Variants in ATG16L2 observed in about 807,000 individuals in gnomAD.
The protein encoded by ATG16L2 is autophagy related 16 like 2.
ATG16L2 carries 77 observed loss-of-function variants against 84.7 expected under a neutral mutation model. The ratio of observed to expected loss-of-function variants is 0.91; its 90% CI spans 0.76 to 1.10. The LOEUF (loss-of-function observed/expected upper bound fraction) is 1.10, where lower values mean the gene tolerates loss of function less well. ATG16L2 is among the 50% of genes least tolerant of loss of function. The pLI is 0.00. For missense variants in ATG16L2, 782 were observed against 817.6 expected (o/e 0.96, Z 0.53); for synonymous variants, 361 against 342.8 (o/e 1.05, Z -0.59).
intron 5 of ATG16L2, chr11:72,836,792 A>G (rs1860741652): frequency 1.3e-5 from 2 of 152,590 alleles, no homozygotes; most frequent in African/African-American, 4.8e-5. Context: ...AATAAATACA[A>G]ACTTTTTACA....
rs1325399456 is a variant in ATG16L2, at chr11:72,822,956, C to T, written c.819C>T (p.Pro273=). ...AAGCTTGTGAGAAGTGGAAGAGGCC[C>T]TTCAGGTGAGGACCCAGGTGACAGT... is the stretch of plus-strand genomic sequence containing the variant. ...EKEACEKWKR[P]FRSASATSLT... The change falls in exon 7 of 18, where the codon CCC becomes CCT. Residue 273 remains proline, a synonymous_variant. Coordinates refer to ENST00000321297, the MANE Select transcript of ATG16L2 (RefSeq NM_033388.2). This position sits in a 1 kb window ranked among gnomAD's most constrained non-coding sequence, Gnocchi z 4.2. The T allele has an allele frequency of 1.9e-6, 3 of 1,563,296 alleles. No homozygotes were observed. The highest frequency in any genetic ancestry group is 2.6e-6 in the Non-Finnish European group (3 of 1,152,840).
intron 3 of ATG16L2, 103 bp downstream of exon 3, chr11:72,817,958 C>A: frequency 1.9e-6 from 2 of 1,076,384 alleles, no homozygotes; most frequent in Non-Finnish European, 2.7e-6. Flanking sequence ...AAGCCCAGTG[C>A]TGCAAGCATT....
At chr11:72,814,704 G>A in intron 1 of ATG16L2, 141 bp downstream of exon 1, 1 of 578,418 alleles carries the variant, frequency 1.7e-6, no homozygotes, top group Non-Finnish European at 2.7e-6. Context: ...CGCCCATCCC[G>A]ACTGCCAGGA....
intron 13 of ATG16L2, 84 bp from the exon 14 acceptor site, chr11:72,827,104 G>A (rs753425031): frequency 4.7e-5 from 52 of 1,116,506 alleles, no homozygotes; most frequent in Non-Finnish European, 6.5e-5. Flanking sequence ...ACTGGGTTCT[G>A]GGCCTCAGCT....
chr11:72,816,655 G>A (rs748752549), intron 1 of ATG16L2, 73 bp from the exon 2 acceptor site: 15 of 1,260,164 alleles, frequency 1.2e-5, no homozygotes, highest in Middle Eastern at 1.9e-4. Context: ...CCTTTTAGCC[G>A]GAGATAAATT....
At chr11:72,817,512 C>A (rs1448781698) in intron 2 of ATG16L2, among the ~76,000 whole-genome samples, 1 of 152,238 alleles carries the variant, frequency 6.6e-6, no homozygotes, top group African/African-American at 2.4e-5. Flanking sequence ...AGCCACCACG[C>A]CTGACTGGGA....
Position 72,814,581 on chromosome 11 carries a change from C to T in ATG16L2, c.118+18C>T, listed in dbSNP as rs756217715. ...GCCGGCCTGTGAGTGCGCCCCGGTG[C>T]TGAGAGGATGGCGGCTGAGGGGACG... On this transcript the variant is annotated intron_variant, in intron 1 of 17. Coordinates refer to ENST00000321297, the MANE Select transcript of ATG16L2 (RefSeq NM_033388.2). 225 of 1,547,288 alleles carry T rather than the reference C, an allele frequency of 1.5e-4. No homozygotes were observed. Among genetic ancestry groups the T allele is most frequent in the Non-Finnish European group, 1.9e-4 (220 of 1,140,436 alleles).
Position 72,821,342 on chromosome 11 carries a change from G to A in ATG16L2, c.319-326G>A, listed in dbSNP as rs1859980216. 8.7e-6 allele frequency: 10 copies of A among 1,149,274 alleles called. No individual in the cohort carries two copies. In the South Asian group the frequency reaches 2.3e-4, roughly 26 times the overall value. 71.2% of individuals were successfully genotyped at this position (1,149,274 alleles called of 1,614,324 possible). On this transcript the variant is annotated intron_variant, in intron 3 of 17. Transcript: ENST00000321297. ...CTCGCAGTGGTTATGCATGGTGCTG[G>A]GAGCGGAGCGCTGGCTTCCCACTCT... is the stretch of plus-strand genomic sequence containing the variant.
downstream of ATG16L2, among the ~76,000 whole-genome samples, chr11:72,831,756 C>G (rs1860612402): frequency 6.6e-6 from 1 of 152,162 alleles, no homozygotes; most frequent in South Asian, 2.1e-4. Context: ...AGGCCCTGCC[C>G]TGCACCCTTT....
At position 72,822,266 on chromosome 11, in the gene ATG16L2, G is replaced by C; in HGVS notation, c.615G>C (p.Glu205Asp). ...AGCGCAAGGCGCGCGCCGCGGCCGA[G>C]CGCAACCTGCGCAACGAGCGCCGGG... The part of the protein sequence containing the change: ...LVQRKARAAA[E>D]RNLRNERRER... Residue 205 changes from glutamate to aspartate, a missense_variant, in exon 5 of 18, where the codon GAG becomes GAC. Coordinates refer to ENST00000321297, the MANE Select transcript of ATG16L2 (RefSeq NM_033388.2). The surrounding 1 kb of genome is among the most constrained non-coding windows in gnomAD (Gnocchi z 4.2). 3.3e-6 allele frequency: 5 copies of C among 1,504,828 alleles called. No homozygotes were observed. The highest frequency in any genetic ancestry group is 3.5e-6 in the Non-Finnish European group (4 of 1,136,774). 93.2% of individuals were successfully genotyped at this position (1,504,828 alleles called of 1,614,324 possible).
intron 10 of ATG16L2, among the ~76,000 whole-genome samples, chr11:72,825,898 T>C (rs1860318621): frequency 6.6e-6 from 1 of 152,110 alleles, no homozygotes; most frequent in Admixed American, 6.5e-5. Flanking sequence ...GCTGGCCTGA[T>C]CCTGGCTTGC....
chr11:72,824,039 T>C (rs776653026), intron 7 of ATG16L2, 21 bp from the exon 8 acceptor site: 1 of 1,614,000 alleles, frequency 6.2e-7, no homozygotes, highest in East Asian at 2.2e-5. Flanking sequence ...CCTTAGCATA[T>C]CTCTCTTGGT....
In ATG16L2 at chr11:72,841,084, C is replaced by T. The variant is rs1040771840; in HGVS notation, c.*22-1533C>T. 15 of 718,792 alleles carry T rather than the reference C, an allele frequency of 2.1e-5. No homozygotes were observed. In the African/African-American group the frequency reaches 2.4e-4, roughly 12 times the overall value. 44.5% of individuals were successfully genotyped at this position (718,792 alleles called of 1,614,324 possible). ...TTGGGATACTGAGGCGGGAGGATTA[C>T]TTGAGGCCAGAAGTTCAAGGCTGCA... On this transcript the variant is annotated intron_variant, in intron 5 of 5. Coordinates refer to the ATG16L2 transcript ENST00000534905.
chr11:72,814,487 G>C lies in ATG16L2; in HGVS notation c.42G>C (p.Trp14Cys). Residue 14 changes from tryptophan (W) to cysteine (C), a missense_variant, in exon 1 of 18, where the codon TGG (tryptophan) becomes TGC (cysteine). Coordinates refer to ENST00000321297, the MANE Select transcript of ATG16L2 (RefSeq NM_033388.2). The stretch of plus-strand genomic sequence containing the variant: ...TCCCCGGTGCCCCCGCAGCGCGCTG[G>C]AAACGCCACATCGTGCGGCAGCTGC... ...PGVPGAPAAR[W>C]KRHIVRQLRL... 1 of 1,534,462 alleles carries C rather than the reference G, an allele frequency of 6.5e-7. No individual in the cohort carries two copies. The highest frequency in any genetic ancestry group is 1.2e-5 in the South Asian group (1 of 82,760).
chr11:72,841,340 C>CAAAAAAAAAAAA, intron 5 of ATG16L2: 10 of 371,390 alleles, frequency 2.7e-5, no homozygotes, highest in East Asian at 9.5e-5. Context: ...ACTCTGTCTC[C>CAAAAAAAAAAAA]AAAAAAAAAA....
At chr11:72,831,437 G>A (rs1484611201), downstream of ATG16L2, among the ~76,000 whole-genome samples, 1 of 152,230 alleles carries the variant, frequency 6.6e-6, no homozygotes, top group African/African-American at 2.4e-5. Flanking sequence ...CCCAGGAGGA[G>A]GAGGTTGCAG....
At position 72,828,480 on chromosome 11, in the gene ATG16L2, C is replaced by T. The variant is rs770072481; in HGVS notation, c.1594C>T (p.Arg532Cys). 16 of 1,614,080 alleles carry T rather than the reference C, an allele frequency of 9.9e-6. No individual in the cohort carries two copies. The highest frequency in any genetic ancestry group is 1.4e-5 in the Non-Finnish European group (16 of 1,180,056). Residue 532 changes from arginine to cysteine, a missense_variant, in exon 15 of 18, where the codon CGT becomes TGT. Physicochemically the swap from Arg to Cys is radical, Grantham distance 180 (BLOSUM62 -3). Coordinates refer to ENST00000321297, the MANE Select transcript of ATG16L2 (RefSeq NM_033388.2). ...RDNTLKVIDL[R>C]VSNIRQVFRA... ...CAACACACTCAAGGTCATCGACCTG[C>T]GTGTCAGCAACATCCGCCAGGTGTT...
chr11:72,820,011 C>T (rs950636116), intron 3 of ATG16L2: 36 of 152,214 alleles, frequency 2.4e-4, no homozygotes, highest in African/African-American at 8.7e-4. Context: ...TCCCAAAGTG[C>T]TGGGATTACA....
At position 72,841,325 on chromosome 11, in the gene ATG16L2, C is replaced by CA; in HGVS notation, c.*22-1291dup. 3.2e-6 allele frequency: 3 copies of CA among 931,814 alleles called. No homozygotes were observed. In the East Asian group the frequency reaches 8.9e-5, roughly 28 times the overall value. The allele number at this position is 931,814 out of a possible 1,614,324, so 57.7% of individuals were successfully genotyped here. On this transcript the variant is annotated intron_variant, in intron 5 of 5. Coordinates refer to the ATG16L2 transcript ENST00000534905. ...CAGCCTGGGTGTCCAGCCCAGGTGA[C>CA]AGAGACTCTGTCTCCAAAAAAAAAA...
Sources: allele counts gnomAD v4.1 joint callset (sites outside exome capture counted in the v4.1 genomes callset), GRCh38; gene constraint gnomAD v4.1.1; non-coding constraint Gnocchi (gnomAD v3.1); transcripts MANE v1.5; gene names NCBI Gene and HGNC (gene_info 2026-07-23, HGNC 2026-07-21).